TRPC4: variants seen among roughly 807,000 people sequenced by gnomAD.
TRPC4 encodes the protein short transient receptor potential channel 4.
A neutral mutation model predicts 99.4 loss-of-function variants in TRPC4; 49 were observed. That is an observed-to-expected ratio of 0.49 (90% CI 0.39 to 0.63). The LOEUF (loss-of-function observed/expected upper bound fraction) is 0.63. TRPC4 is among the 20% of genes least tolerant of loss of function. The pLI, the probability that TRPC4 is intolerant of heterozygous loss-of-function variation, is 0.00. For missense variants in TRPC4, 898 were observed against 1,152.9 expected (o/e 0.78, Z 3.20); for synonymous variants, 454 against 425.9 (o/e 1.07, Z -0.81).
Position 37,749,697 on chromosome 13 carries a change from T to C in TRPC4, c.379-3242A>G, listed in dbSNP as rs190347586. On this transcript the variant is annotated intron_variant, in intron 2 of 10. Coordinates refer to ENST00000379705, the MANE Select transcript of TRPC4 (RefSeq NM_016179.4). Reference sequence around the variant, plus strand: ...GAGGTTTTCTTATTCTCTCATCACTTCTACATTTATTATATTGCATTCTTC... The same window carrying C: ...GAGGTTTTCTTATTCTCTCATCACTCCTACATTTATTATATTGCATTCTTC... Among the ~76,000 whole-genome samples, 19 of 152,274 alleles carry C rather than the reference T, an allele frequency of 1.2e-4. No homozygotes were observed. In the East Asian group the frequency reaches 3.1e-3, roughly 25 times the overall value.
In TRPC4 at chr13:37,716,873, C is replaced by T. The variant is rs192804284; in HGVS notation, c.898-24538G>A. Among the ~76,000 whole-genome samples, 159 of 152,118 alleles carry T rather than the reference C, an allele frequency of 1.0e-3. 2 individuals carry two copies. The highest frequency in any genetic ancestry group is 3.6e-3 in the African/African-American group (149 of 41,502). ...TCCTCATAGCTGCTTCTCTTGTGTA[C>T]GTCTGAGTTCTTAAAGTGTTTTTTT... On this transcript the variant is annotated intron_variant, in intron 3 of 10. Coordinates refer to ENST00000379705, the MANE Select transcript of TRPC4 (RefSeq NM_016179.4).
chr13:37,742,125 C>T (rs1488292224), intron 3 of TRPC4, among the ~76,000 whole-genome samples: 4 of 152,048 alleles, frequency 2.6e-5, no homozygotes, highest in African/African-American at 9.7e-5. Context: ...AGAAGTAATA[C>T]AATTCTTCTT....
intron 4 of TRPC4, 33 bp from the exon 5 acceptor site, chr13:37,674,400 A>G: frequency 6.3e-7 from 1 of 1,584,506 alleles, no homozygotes; most frequent in Non-Finnish European, 8.5e-7. Context: ...TGTAAGTATG[A>G]TTTCAATAGA....
intron 2 of TRPC4, among the ~76,000 whole-genome samples, chr13:37,765,738 G>C (rs2139263924): frequency 6.6e-6 from 1 of 151,400 alleles, no homozygotes; most frequent in South Asian, 2.1e-4. Context: ...GGCGTTTGTT[G>C]ATCTGTATTA....
chr13:37,804,447 T>C (rs1287179512), intron 1 of TRPC4, among the ~76,000 whole-genome samples: 1 of 151,992 alleles, frequency 6.6e-6, no homozygotes, highest in Non-Finnish European at 1.5e-5. Context: ...TGAGAAGAAC[T>C]ATGGAAAGAG....
chr13:37,639,360 A>C, intron 8 of TRPC4, 61 bp from the exon 9 acceptor site: 1 of 1,503,588 alleles, frequency 6.7e-7, no homozygotes, highest in Non-Finnish European at 9.0e-7. Context: ...CTAAAAAATA[A>C]TTTATTTTTT....
intron 2 of TRPC4, among the ~76,000 whole-genome samples, chr13:37,779,422 T>G (rs1485196175): frequency 6.9e-6 from 1 of 144,792 alleles, no homozygotes; most frequent in Non-Finnish European, 1.5e-5. Context: ...CTCTTCTCAT[T>G]AAAAAAAAAA....
At chr13:37,814,065 T>TA (rs1263835867) in intron 1 of TRPC4, among the ~76,000 whole-genome samples, 4 of 151,546 alleles carry the variant, frequency 2.6e-5, no homozygotes, top group East Asian at 1.9e-4. Flanking sequence ...ATCAATACAA[T>TA]AAAAAAACCC....
intron 2 of TRPC4, among the ~76,000 whole-genome samples, chr13:37,761,572 A>G (rs1956222012): frequency 6.6e-6 from 1 of 151,936 alleles, no homozygotes; most frequent in African/African-American, 2.4e-5. Flanking sequence ...ATTTCTCATT[A>G]AGGAACAAGA....
chr13:37,652,865 G>T (rs1161303432), intron 7 of TRPC4, among the ~76,000 whole-genome samples: 1 of 152,042 alleles, frequency 6.6e-6, no homozygotes, highest in Non-Finnish European at 1.5e-5. Flanking sequence ...TGGTTTCTTT[G>T]TTCATGATTT....
At chr13:37,804,916 A>G (rs1237319243) in intron 1 of TRPC4, among the ~76,000 whole-genome samples, 1 of 152,054 alleles carries the variant, frequency 6.6e-6, no homozygotes, top group Non-Finnish European at 1.5e-5. Context: ...ACAACTAATA[A>G]TTGTATTCAC....
intron 1 of TRPC4, among the ~76,000 whole-genome samples, chr13:37,806,827 G>A (rs1030969961): frequency 5.3e-5 from 8 of 152,028 alleles, no homozygotes; most frequent in African/African-American, 1.2e-4. Flanking sequence ...CTAGTGTCAC[G>A]TCCAAACATA....
chr13:37,778,857 A>C (rs1593721292), intron 2 of TRPC4, among the ~76,000 whole-genome samples: 2 of 152,112 alleles, frequency 1.3e-5, no homozygotes, highest in African/African-American at 4.8e-5. Flanking sequence ...AGTATGAGAC[A>C]TCTAACATAA....
intron 2 of TRPC4, among the ~76,000 whole-genome samples, chr13:37,764,588 T>A (rs1307345058): frequency 6.6e-6 from 1 of 151,356 alleles, no homozygotes; most frequent in African/African-American, 2.4e-5. Context: ...GGGCCTCCGG[T>A]AGAGTTGCAT....
intron 3 of TRPC4, among the ~76,000 whole-genome samples, chr13:37,732,945 T>C (rs73458333): frequency 0.022 from 3,333 of 152,200 alleles, 51 homozygotes; most frequent in African/African-American, 0.047. Flanking sequence ...GAAAAAGCAA[T>C]TGTAAAATTC....
At position 37,636,892 on chromosome 13, in the gene TRPC4, T is replaced by C. The variant is rs765039406; in HGVS notation, c.*11A>G. 6.2e-7 allele frequency: 1 copy of C among 1,602,494 alleles called. No homozygotes were observed. Among genetic ancestry groups the C allele is most frequent in the Non-Finnish European group, 8.5e-7 (1 of 1,173,856 alleles). On this transcript the variant is annotated 3_prime_UTR_variant, in exon 11 of 11. Coordinates refer to ENST00000379705, the MANE Select transcript of TRPC4 (RefSeq NM_016179.4). ...ACGTATGTGTATGGTAAACGCTTCC[T>C]CCTTCAAGTATCACAATCTTGTGGT... is the stretch of plus-strand genomic sequence containing the variant.
chr13:37,670,800 C>A (rs1952812555), intron 5 of TRPC4, among the ~76,000 whole-genome samples: 1 of 152,222 alleles, frequency 6.6e-6, no homozygotes, highest in Admixed American at 6.5e-5. Flanking sequence ...TTAGGATCAT[C>A]CAAAATAGAT....
At chr13:37,715,140 T>C (rs970896425) in intron 3 of TRPC4, among the ~76,000 whole-genome samples, 3 of 152,182 alleles carry the variant, frequency 2.0e-5, no homozygotes, top group Admixed American at 6.5e-5. Context: ...AAAGCACTTG[T>C]CTAGGACCAC....
At chr13:37,722,770 A>C (rs1452959094) in intron 3 of TRPC4, among the ~76,000 whole-genome samples, 1 of 152,186 alleles carries the variant, frequency 6.6e-6, no homozygotes, top group Non-Finnish European at 1.5e-5. Context: ...ATCAGCTCTA[A>C]TGTTAATTAG....
Sources: gnomAD v4.1 joint callset for allele counts (sites outside exome capture counted in the v4.1 genomes callset) on GRCh38, gnomAD v4.1.1 for gene constraint, MANE v1.5 for transcripts, NCBI Gene and HGNC (gene_info 2026-07-23, HGNC 2026-07-21) for gene names.